RBMS1: variants seen among roughly 807,000 people sequenced by gnomAD.
The protein encoded by RBMS1 is RNA binding motif single stranded interacting protein 1.
In RBMS1, 17 loss-of-function variants were observed where a neutral mutation model predicts 62.3. The observed-to-expected ratio is 0.27, with a 90% CI of 0.19 to 0.41. The LOEUF (loss-of-function observed/expected upper bound fraction) is 0.41, where lower values mean the gene tolerates loss of function less well. Ranked by LOEUF, RBMS1 falls within the 10% of genes least tolerant of loss-of-function variation. The probability of loss-of-function intolerance (pLI) is 1.00; values close to 1 mark genes in which losing one functional copy is unlikely to be tolerated. For synonymous variants in RBMS1, 172 were observed against 170.0 expected (o/e 1.01, Z -0.09); for missense variants, 334 against 504.5 (o/e 0.66, Z 3.24).
At position 160,272,415 on chromosome 2, in the gene RBMS1, GTCTT is replaced by G. The variant is rs1687626399; in HGVS notation, c.*2353_*2356del. The G allele has an allele frequency of 1.3e-5, 2 of 151,348 alleles. No individual in the cohort carries two copies. Among genetic ancestry groups the G allele is most frequent in the East Asian group, 1.9e-4 (1 of 5,176 alleles). The allele number at this position is 151,348 out of a possible 1,614,324, so 9.4% of individuals were successfully genotyped here. A position where few individuals can be genotyped will look rare whatever the true frequency, so the allele number is the denominator to read the frequency against. On this transcript the variant is annotated 3_prime_UTR_variant, in exon 14 of 14. Transcript: ENST00000348849. Reference sequence around the variant, plus strand: ...CTTTTTTTTTCAATCTGTACAAAAGGTCTTTCTTCATAAATTAATTTTTTTATAA... The same window carrying G: ...CTTTTTTTTTCAATCTGTACAAAAGGTCTTCATAAATTAATTTTTTTATAA...
Position 160,288,872 on chromosome 2 carries a change from C to T in RBMS1, c.641-1788G>A, listed in dbSNP as rs1025163103. Among the ~76,000 whole-genome samples the T allele has an allele frequency of 1.4e-4, 21 of 152,054 alleles. No individual in the cohort carries two copies. In the South Asian group the frequency reaches 2.1e-3, roughly 15 times the overall value. On this transcript the variant is annotated intron_variant, in intron 6 of 13. Coordinates refer to ENST00000348849, the MANE Select transcript of RBMS1 (RefSeq NM_016836.4). ...GAAGTTACTTGGCTCAGCAAGTGATCCCAACTGGCCGTTTTTCTCTATTAG... is the reference window on the plus strand; with the variant it reads ...GAAGTTACTTGGCTCAGCAAGTGATTCCAACTGGCCGTTTTTCTCTATTAG...
At chr2:160,415,819 T>G (rs542512628) in intron 1 of RBMS1, among the ~76,000 whole-genome samples, 1 of 152,242 alleles carries the variant, frequency 6.6e-6, no homozygotes, top group Non-Finnish European at 1.5e-5. Context: ...AAATTACCAT[T>G]AAATTAGGTC....
chr2:160,427,163 G>C (rs1350685704), intron 1 of RBMS1, among the ~76,000 whole-genome samples: 2 of 152,166 alleles, frequency 1.3e-5, no homozygotes, highest in Non-Finnish European at 2.9e-5. Context: ...TTCCATCTAA[G>C]GGATGATTCC....
chr2:160,474,890 G>A lies in RBMS1; in HGVS notation c.75+18399C>T, dbSNP rs564056465. Among the ~76,000 whole-genome samples, 15 of 152,226 alleles carry A rather than the reference G, an allele frequency of 9.9e-5. No individual in the cohort carries two copies. In the South Asian group the frequency reaches 2.3e-3, roughly 23 times the overall value. On this transcript the variant is annotated intron_variant, in intron 1 of 13. Coordinates refer to ENST00000348849, the MANE Select transcript of RBMS1 (RefSeq NM_016836.4). ...CCTGCAAAGTATTTTCAGTTGCGTC[G>A]CAAGTAATATATCGTATTTATGGTG...
At chr2:160,313,101 G>C in intron 4 of RBMS1, 55 bp downstream of exon 4, 1 of 1,536,482 alleles carries the variant, frequency 6.5e-7, no homozygotes, top group Non-Finnish European at 9.0e-7. Flanking sequence ...CAGACCTGTC[G>C]GGCTTCACAA....
intron 1 of RBMS1, among the ~76,000 whole-genome samples, chr2:160,450,882 C>T (rs1683954757): frequency 6.6e-6 from 1 of 152,034 alleles, no homozygotes; most frequent in South Asian, 2.1e-4. Context: ...GTATCTAAAA[C>T]TAGAAAAAGG....
At chr2:160,425,073 C>G (rs1682494825) in intron 1 of RBMS1, among the ~76,000 whole-genome samples, 1 of 152,082 alleles carries the variant, frequency 6.6e-6, no homozygotes, top group East Asian at 1.9e-4. Flanking sequence ...GACTGCTTCC[C>G]TTCTTGGAGT....
chr2:160,376,792 C>T lies in RBMS1; in HGVS notation c.76-9401G>A, dbSNP rs534103529. ...CTGGGACAATAGGAGCATGCCATCG[C>T]GTCTGGCTAATCAAATAAATAAATA... On this transcript the variant is annotated intron_variant, in intron 1 of 13. Transcript: ENST00000348849. Among the ~76,000 whole-genome samples the T allele has an allele frequency of 1.3e-3, 197 of 151,652 alleles. 1 individual carries two copies. Among genetic ancestry groups the T allele is most frequent in the African/African-American group, 4.4e-3 (182 of 41,226 alleles).
chr2:160,363,127 T>A (rs1338200862), intron 2 of RBMS1, among the ~76,000 whole-genome samples: 1 of 152,204 alleles, frequency 6.6e-6, no homozygotes, highest in African/African-American at 2.4e-5. Flanking sequence ...AATAGCGTTA[T>A]TTGACCTATT....
In RBMS1 at chr2:160,318,229, TAAAAAAAAAA is replaced by T; in HGVS notation, c.252-12_252-3del. On this transcript the variant is annotated splice_polypyrimidine_tract_variant and splice_region_variant and intron_variant, in intron 2 of 13. Transcript: ENST00000348849. ...TTTGTGGAGACTATTTTCCCATATC[TAAAAAAAAAA>T]AAAAAAAAAAAAAGGAAAAAAAGAA... 3.4e-6 allele frequency: 4 copies of T among 1,163,250 alleles called. No homozygotes were observed. Among genetic ancestry groups the T allele is most frequent in the Non-Finnish European group, 4.3e-6 (4 of 929,826 alleles). The allele number at this position is 1,163,250 out of a possible 1,614,324, so 72.1% of individuals were successfully genotyped here.
intron 1 of RBMS1, among the ~76,000 whole-genome samples, chr2:160,370,329 C>T (rs897065434): frequency 1.3e-5 from 2 of 152,162 alleles, no homozygotes; most frequent in African/African-American, 2.4e-5. Flanking sequence ...CCCAAGATTA[C>T]GTTTTTAGAA....
intron 1 of RBMS1, among the ~76,000 whole-genome samples, chr2:160,370,520 C>T (rs868506308): frequency 6.6e-5 from 10 of 152,166 alleles, no homozygotes; most frequent in Admixed American, 1.3e-4. Context: ...ATACTTAATT[C>T]AATCAGACAG....
At chr2:160,448,362 CTG>C (rs1683762764) in intron 1 of RBMS1, among the ~76,000 whole-genome samples, 1 of 147,228 alleles carries the variant, frequency 6.8e-6, no homozygotes, top group Admixed American at 6.8e-5. Context: ...CTGGACTGTA[CTG>C]CCGCCATCTC....
At chr2:160,346,005 G>C (rs1439844337) in intron 2 of RBMS1, among the ~76,000 whole-genome samples, 3 of 152,224 alleles carry the variant, frequency 2.0e-5, no homozygotes, top group Non-Finnish European at 4.4e-5. Flanking sequence ...ACCCGGCATA[G>C]TAGGCACTCT....
intron 1 of RBMS1, among the ~76,000 whole-genome samples, chr2:160,400,966 A>G (rs1695399972): frequency 6.6e-6 from 1 of 152,222 alleles, no homozygotes; most frequent in South Asian, 2.1e-4. Flanking sequence ...CATTTAAAAA[A>G]TACAATTTTC....
At chr2:160,481,934 C>A (rs1311189029) in intron 1 of RBMS1, among the ~76,000 whole-genome samples, 2 of 152,212 alleles carry the variant, frequency 1.3e-5, no homozygotes, top group African/African-American at 4.8e-5. Flanking sequence ...CCAAGCTGAA[C>A]ATACACATAT....
chr2:160,339,864 A>C (rs776437703), intron 2 of RBMS1, among the ~76,000 whole-genome samples: 2 of 152,170 alleles, frequency 1.3e-5, no homozygotes, highest in African/African-American at 2.4e-5. Flanking sequence ...ACTGCTCATC[A>C]AATGTTCACA....
chr2:160,421,194 G>C (rs565512503), intron 1 of RBMS1, among the ~76,000 whole-genome samples: 3 of 150,608 alleles, frequency 2.0e-5, no homozygotes, highest in Non-Finnish European at 3.0e-5. Flanking sequence ...TGTGTACAAC[G>C]TGCAGGTTTG....
chr2:160,340,637 C>T (rs1691818536), intron 2 of RBMS1, among the ~76,000 whole-genome samples: 1 of 152,022 alleles, frequency 6.6e-6, no homozygotes, highest in African/African-American at 2.4e-5. Context: ...TGATATACAA[C>T]TTATAAAAGA....
Sources: allele counts gnomAD v4.1 joint callset (sites outside exome capture counted in the v4.1 genomes callset), GRCh38; gene constraint gnomAD v4.1.1; transcripts MANE v1.5; gene names NCBI Gene and HGNC (gene_info 2026-07-23, HGNC 2026-07-21).